Variants in COL4A4 observed in about 807,000 individuals in gnomAD.
COL4A4 encodes collagen type IV alpha 4 chain, also known as collagen alpha-4(IV) chain.
COL4A4 carries 105 observed loss-of-function variants against 192.9 expected under a neutral mutation model. That is an observed-to-expected ratio of 0.54 (90% CI 0.46 to 0.64). The LOEUF (loss-of-function observed/expected upper bound fraction) is 0.64. Ranked by LOEUF, COL4A4 falls within the 30% of genes least tolerant of loss-of-function variation. The pLI is 0.00. For missense variants in COL4A4, 1,967 were observed against 2,169.3 expected, an observed-to-expected ratio of 0.91 and a Z score of 1.85; for synonymous variants, 762 against 769.9, an observed-to-expected ratio of 0.99 and a Z score of 0.17.
chr2:227,090,576 C>A (rs922890195), intron 20 of COL4A4, among the ~76,000 whole-genome samples: 7 of 151,652 alleles, frequency 4.6e-5, no homozygotes, highest in East Asian at 3.9e-4. Context: ...TGGTAAAACC[C>A]CCCCCATCTC....
At chr2:227,088,270 CA>C (rs1287769225) in intron 22 of COL4A4, among the ~76,000 whole-genome samples, 3 of 152,172 alleles carry the variant, frequency 2.0e-5, no homozygotes, top group Non-Finnish European at 4.4e-5. Flanking sequence ...TGACCCCACC[CA>C]AATCTCATCT....
chr2:227,060,241 G>C lies in COL4A4; in HGVS notation c.2059C>G (p.Pro687Ala). 6.2e-7 allele frequency: 1 copy of C among 1,607,682 alleles called. No homozygotes were observed. The highest frequency in any genetic ancestry group is 8.5e-7 in the Non-Finnish European group (1 of 1,175,206). ...GPPGFDGPPG[P>A]KGFPGPQGAP... ...CCTTGGGGACCTGGAAATCCCTTCG[G>C]ACCTAAACAATAATAAAAACAAAAC... Residue 687 changes from proline (P) to alanine (A), a missense_variant and splice_region_variant, in exon 27 of 48, where the codon CCG becomes GCG. Physicochemically the swap from Pro to Ala is conservative, Grantham distance 27. Transcript: ENST00000396625.
At chr2:227,146,339 C>A (rs1027529420) in intron 2 of COL4A4, among the ~76,000 whole-genome samples, 1 of 151,536 alleles carries the variant, frequency 6.6e-6, no homozygotes, top group Non-Finnish European at 1.5e-5. Context: ...CCATTTCTTC[C>A]ACGTCCACCC....
At chr2:227,012,318 C>A in intron 44 of COL4A4, 21 bp from the exon 45 acceptor site, 1 of 1,595,378 alleles carries the variant, frequency 6.3e-7, no homozygotes, top group Non-Finnish European at 8.6e-7. Context: ...GTTTATGATG[C>A]TGGTGGTGAA....
In COL4A4 at chr2:227,007,582, C is replaced by T; in HGVS notation, c.4816G>A (p.Gly1606Arg). The T allele has an allele frequency of 6.2e-7, 1 of 1,612,462 alleles. No homozygotes were observed. Among genetic ancestry groups the T allele is most frequent in the Non-Finnish European group, 8.5e-7 (1 of 1,180,038 alleles). The change falls in exon 48 of 48, where the codon GGA becomes AGA. Residue 1606 changes from glycine to arginine, a missense_variant. By Grantham distance (125) the Gly-to-Arg change is moderately radical. Coordinates refer to ENST00000396625, the MANE Select transcript of COL4A4 (RefSeq NM_000092.5). ...WIGYSFLMHT[G>R]AGDQGGGQAL... ...TGCCCTCCTCCTTGGTCCCCAGCTC[C>T]TGTGTGCTACCCAGAAAACAAGAGA...
chr2:227,140,765 G>A (rs1314635031), intron 3 of COL4A4, among the ~76,000 whole-genome samples: 3 of 151,938 alleles, frequency 2.0e-5, no homozygotes, highest in Non-Finnish European at 4.4e-5. Context: ...AATTTGCTGA[G>A]ACTCCAAGAT....
At chr2:226,979,645 C>T in the COL4A4 span, among the ~76,000 whole-genome samples, 22 of 152,306 alleles carry the variant, frequency 1.4e-4, no homozygotes, top group African/African-American at 5.3e-4. Context: ...ACCCTTCTAC[C>T]GTCTGCCCTG....
chr2:227,091,810 C>T (rs1037533668), intron 20 of COL4A4, among the ~76,000 whole-genome samples: 2 of 151,798 alleles, frequency 1.3e-5, no homozygotes, highest in South Asian at 2.1e-4. Context: ...GTAGAAGAAT[C>T]GCTTGAACCA....
the COL4A4 span, among the ~76,000 whole-genome samples, chr2:226,974,065 C>A: frequency 3.9e-5 from 6 of 152,036 alleles, no homozygotes; most frequent in African/African-American, 1.5e-4. Flanking sequence ...GACAGATGGC[C>A]GGCGTTTGTC....
the COL4A4 span, among the ~76,000 whole-genome samples, chr2:226,985,413 A>G: frequency 7.2e-5 from 11 of 152,312 alleles, no homozygotes; most frequent in African/African-American, 1.9e-4. Flanking sequence ...TGTAGCGCCC[A>G]TCTGTTTCAA....
intron 8 of COL4A4, among the ~76,000 whole-genome samples, chr2:227,113,021 T>C (rs1387287859): frequency 6.6e-6 from 1 of 152,226 alleles, no homozygotes; most frequent in Non-Finnish European, 1.5e-5. Flanking sequence ...GCTATGAACA[T>C]GCATGTACAA....
intron 10 of COL4A4, 31 bp downstream of exon 10, chr2:227,109,193 A>G: frequency 1.9e-6 from 3 of 1,603,008 alleles, no homozygotes; most frequent in Non-Finnish European, 2.6e-6. Context: ...TCTGGTTTTT[A>G]AAGGGATCAC....
chr2:226,984,539 T>A, the COL4A4 span, among the ~76,000 whole-genome samples: 75,320 of 152,046 alleles, frequency 0.5, 19,559 homozygotes, highest in African/African-American at 0.66. Context: ...ATTGAGGGTT[T>A]GGACTTCAAC....
At chr2:227,143,379 G>A (rs887015291) in intron 3 of COL4A4, among the ~76,000 whole-genome samples, 1 of 152,160 alleles carries the variant, frequency 6.6e-6, no homozygotes, top group African/African-American at 2.4e-5. Context: ...CAATAGGTAC[G>A]TGCATTCAAA....
rs748580632 is a variant in COL4A4 at position 227,077,928 on chromosome 2, A to T, written c.1953T>A (p.Gly651=). 3 of 1,613,490 alleles carry T rather than the reference A, an allele frequency of 1.9e-6. No individual in the cohort carries two copies. Among genetic ancestry groups the T allele is most frequent in the Non-Finnish European group, 2.5e-6 (3 of 1,180,004 alleles). Residue 651 remains glycine, a synonymous_variant, in exon 25 of 48, where the codon GGT becomes GGA. Coordinates refer to ENST00000396625, the MANE Select transcript of COL4A4 (RefSeq NM_000092.5). The part of the protein sequence containing the change: ...RGHPGVPGHP[G]VRGPDGLKGQ... ...CCTTCAAGCCATCAGGGCCCCTCAC[A>T]CCTGGGTGGCCTGGAACTCCTGGGT...
chr2:227,007,782 C>T (rs1962484566), intron 47 of COL4A4, among the ~76,000 whole-genome samples, 194 bp from the exon 48 acceptor site: 1 of 152,176 alleles, frequency 6.6e-6, no homozygotes, highest in Non-Finnish European at 1.5e-5. Context: ...CCAGTTTCAC[C>T]GATGGCTGAA....
At chr2:227,120,058 T>C in intron 5 of COL4A4, 119 bp from the exon 6 acceptor site, 1 of 695,336 alleles carries the variant, frequency 1.4e-6, no homozygotes, top group Non-Finnish European at 2.2e-6. Flanking sequence ...CATTGTCACC[T>C]ATTTTTTACA....
the COL4A4 span, among the ~76,000 whole-genome samples, chr2:226,985,215 A>G: frequency 2.6e-5 from 4 of 152,228 alleles, no homozygotes; most frequent in African/African-American, 9.6e-5. Flanking sequence ...ATTCAGGATT[A>G]GAACTGGTTA....
At chr2:227,007,708 G>C in intron 47 of COL4A4, 120 bp from the exon 48 acceptor site, 1 of 1,368,656 alleles carries the variant, frequency 7.3e-7, no homozygotes, top group Non-Finnish European at 1.0e-6. Flanking sequence ...ATTCCATAAA[G>C]AACAAAATAC....
Sources: allele counts gnomAD v4.1 joint callset (sites outside exome capture counted in the v4.1 genomes callset), GRCh38; gene constraint gnomAD v4.1.1; transcripts MANE v1.5; gene names NCBI Gene and HGNC (gene_info 2026-07-23, HGNC 2026-07-21).